The following TANGO6 variants were observed in gnomAD, a reference collection of about 807,000 sequenced individuals.
TANGO6 encodes transport and Golgi organization protein 6 homolog.
In TANGO6, 90 loss-of-function variants were observed where a neutral mutation model predicts 114.2. The observed-to-expected ratio is 0.79, with a 90% CI of 0.66 to 0.94. The LOEUF is 0.94. Among genes scored for constraint, TANGO6 ranks in the 40% least tolerant of loss-of-function variants. The pLI is 0.00. For missense variants in TANGO6, 1,274 were observed against 1,315.3 expected (o/e 0.97, Z 0.49); for synonymous variants, 477 against 509.8 (o/e 0.94, Z 0.87).
At chr16:68,993,728 A>G (rs988588222) in intron 15 of TANGO6, among the ~76,000 whole-genome samples, 5 of 152,348 alleles carry the variant, frequency 3.3e-5, no homozygotes, top group Admixed American at 2.0e-4. Context: ...AATTAAATTA[A>G]TTAAATCACT....
At chr16:68,913,912 G>A (rs1030951572) in intron 11 of TANGO6, among the ~76,000 whole-genome samples, 5 of 152,002 alleles carry the variant, frequency 3.3e-5, no homozygotes, top group African/African-American at 4.8e-5. Context: ...ACTTCCCAGC[G>A]AAAGACTGGA....
chr16:69,026,761 A>C (rs1959508533), intron 16 of TANGO6: 1 of 152,806 alleles, frequency 6.5e-6, no homozygotes, highest in African/African-American at 2.4e-5. Context: ...CCTAGGCTGG[A>C]GTGCAGTGGC....
At chr16:68,877,786 T>C (rs1476641639) in intron 5 of TANGO6, among the ~76,000 whole-genome samples, 1 of 151,948 alleles carries the variant, frequency 6.6e-6, no homozygotes, top group Non-Finnish European at 1.5e-5. Context: ...ATTTTTGTAT[T>C]TTTAGTAGAG....
chr16:69,035,992 G>T (rs1048612620), intron 16 of TANGO6: 1 of 150,392 alleles, frequency 6.6e-6, no homozygotes, highest in Non-Finnish European at 1.5e-5. Flanking sequence ...GCGGTAAGCT[G>T]CGAGCATGCC....
chr16:68,959,033 C>T (rs1963563161), intron 14 of TANGO6, among the ~76,000 whole-genome samples: 1 of 152,022 alleles, frequency 6.6e-6, no homozygotes, highest in African/African-American at 2.4e-5. Flanking sequence ...TAGAACCCTA[C>T]AGGGTGCCTG....
chr16:69,082,479 G>T (rs1686480844), intron 17 of TANGO6, among the ~76,000 whole-genome samples: 1 of 151,692 alleles, frequency 6.6e-6, no homozygotes, highest in South Asian at 2.1e-4. Context: ...AGGCGGGGTG[G>T]CTCATGCCTG....
intron 16 of TANGO6, among the ~76,000 whole-genome samples, chr16:69,030,821 GT>G (rs1173714898): frequency 1.3e-5 from 2 of 151,928 alleles, no homozygotes; most frequent in African/African-American, 4.8e-5. Flanking sequence ...GGAGGCGGAG[GT>G]GGGCAGATCA....
At chr16:69,006,984 T>C (rs748383373) in intron 15 of TANGO6, 1 of 152,192 alleles carries the variant, frequency 6.6e-6, no homozygotes, top group African/African-American at 2.4e-5. Flanking sequence ...GAGTTGGACA[T>C]TTCATATAAA....
intron 14 of TANGO6, among the ~76,000 whole-genome samples, chr16:68,947,029 G>A (rs1305708690): frequency 6.6e-6 from 1 of 152,138 alleles, no homozygotes; most frequent in African/African-American, 2.4e-5. Flanking sequence ...CGTTTTTCAA[G>A]ATTACACAGC....
intron 1 of TANGO6, among the ~76,000 whole-genome samples, chr16:68,851,443 C>T (rs567115181): frequency 6.6e-6 from 1 of 152,336 alleles, no homozygotes; most frequent in Non-Finnish European, 1.5e-5. Context: ...CAGGCATGAG[C>T]CACCACGCCC....
rs1297998058 is a variant in TANGO6 at position 68,875,120 on chromosome 16, T to C, written c.995-34T>C. 3.1e-6 allele frequency: 5 copies of C among 1,589,204 alleles called. No individual in the cohort carries two copies. The East Asian group carries it at 6.7e-5, about 21-fold the overall frequency. ...CATGGGACCTTCTGTGGGGAATTGC[T>C]GTGAGCTGCTAACATCTCTCTCCAT... On this transcript the variant is annotated intron_variant, in intron 4 of 17. Coordinates refer to ENST00000261778, the MANE Select transcript of TANGO6 (RefSeq NM_024562.2).
rs770874499 is a variant in TANGO6, at chr16:68,877,082, A to C, written c.1132-1036A>C. ...TTGGTTCAAAGGTTTTATGCATTTAAATTTTTGATCGATATGCTTTATGTA... is the reference window on the plus strand; with the variant it reads ...TTGGTTCAAAGGTTTTATGCATTTACATTTTTGATCGATATGCTTTATGTA... On this transcript the variant is annotated intron_variant, in intron 5 of 17. Coordinates refer to ENST00000261778, the MANE Select transcript of TANGO6 (RefSeq NM_024562.2). Among the ~76,000 whole-genome samples the C allele has an allele frequency of 1.3e-4, 20 of 152,202 alleles. 1 individual carries two copies. Among genetic ancestry groups the C allele is most frequent in the Non-Finnish European group, 2.4e-4 (16 of 68,040 alleles).
intron 14 of TANGO6, among the ~76,000 whole-genome samples, chr16:68,954,337 A>T (rs189982170): frequency 2.6e-5 from 4 of 151,480 alleles, no homozygotes; most frequent in Admixed American, 2.6e-4. Context: ...GAGGAGCAGG[A>T]GGCAAGAACT....
At chr16:68,869,615 A>C (rs1027252868) in intron 4 of TANGO6, among the ~76,000 whole-genome samples, 1 of 152,124 alleles carries the variant, frequency 6.6e-6, no homozygotes, top group Non-Finnish European at 1.5e-5. Flanking sequence ...GATCCCCTTC[A>C]CTTTTATCCT....
intron 17 of TANGO6, among the ~76,000 whole-genome samples, chr16:69,059,085 T>C (rs1960077626): frequency 6.6e-6 from 1 of 151,364 alleles, no homozygotes. Context: ...TTTCTTTTTT[T>C]TTTTTTTGAG....
chr16:68,965,622 T>G (rs1454201354), intron 14 of TANGO6, among the ~76,000 whole-genome samples: 1 of 151,838 alleles, frequency 6.6e-6, no homozygotes, highest in Non-Finnish European at 1.5e-5. Context: ...GCCAACATGG[T>G]GAAACCCCGT....
At chr16:68,887,071 G>A (rs1464268111) in intron 7 of TANGO6, among the ~76,000 whole-genome samples, 1 of 152,228 alleles carries the variant, frequency 6.6e-6, no homozygotes, top group Non-Finnish European at 1.5e-5. Flanking sequence ...GCCTCCCATA[G>A]TGCTGGGATT....
chr16:69,076,387 C>T (rs146393252), intron 17 of TANGO6, among the ~76,000 whole-genome samples: 69 of 152,200 alleles, frequency 4.5e-4, no homozygotes, highest in African/African-American at 1.5e-3. Context: ...CCACCGTGCC[C>T]AGCCTCATTT....
intron 10 of TANGO6, among the ~76,000 whole-genome samples, chr16:68,908,081 T>C (rs567715283): frequency 6.6e-5 from 10 of 152,330 alleles, no homozygotes; most frequent in Non-Finnish European, 1.0e-4. Flanking sequence ...TTCTGTTCTC[T>C]GAGAGTAACT....
Sources: allele counts gnomAD v4.1 joint callset (sites outside exome capture counted in the v4.1 genomes callset), GRCh38; gene constraint gnomAD v4.1.1; transcripts MANE v1.5; gene names NCBI Gene and HGNC (gene_info 2026-07-23, HGNC 2026-07-21).